Variants in CCDC66 observed in about 807,000 individuals in gnomAD.
CCDC66 encodes the protein coiled-coil domain containing 66.
In CCDC66, 133 loss-of-function variants were observed where a neutral mutation model predicts 128.3. The observed-to-expected ratio is 1.04, with a 90% CI of 0.90 to 1.20. CCDC66 has a LOEUF of 1.20. Among genes scored for constraint, CCDC66 ranks in the 50% most tolerant of loss-of-function variants. The probability of loss-of-function intolerance (pLI) is 0.00; values close to 1 mark genes in which losing one functional copy is unlikely to be tolerated. For missense variants in CCDC66, 1,126 were observed against 1,075.5 expected (o/e 1.05, Z -0.66); for synonymous variants, 387 against 357.0 (o/e 1.08, Z -0.95).
chr3:56,615,634 TA>T (rs2075397343), intron 12 of CCDC66, among the ~76,000 whole-genome samples: 1 of 152,222 alleles, frequency 6.6e-6, no homozygotes, highest in Admixed American at 6.5e-5. Flanking sequence ...TAGGAATGCT[TA>T]ATTTATGTGG....
Position 56,584,255 on chromosome 3 carries a change from C to T in CCDC66, c.937-8715C>T, listed in dbSNP as rs1577530856. Among the ~76,000 whole-genome samples the T allele has an allele frequency of 3.4e-5, 5 of 147,022 alleles. 1 individual carries two copies. The highest frequency in any genetic ancestry group is 2.0e-4 in the Admixed American group (3 of 14,658). ...GCGGAGGGGCTCCTCACTTCTCAGA[C>T]GGGGCGGCTGCCGGGCGGAGGGGCT... On this transcript the variant is annotated intron_variant, in intron 7 of 17. Transcript: ENST00000394672.
Position 56,617,396 on chromosome 3 carries a change from A to G in CCDC66, c.2128A>G (p.Lys710Glu). 1 of 1,614,006 alleles carries G rather than the reference A, an allele frequency of 6.2e-7. No homozygotes were observed. Among genetic ancestry groups the G allele is most frequent in the Non-Finnish European group, 8.5e-7 (1 of 1,179,944 alleles). The change falls in exon 14 of 18, where the codon AAA (lysine) becomes GAA (glutamate). Residue 710 changes from lysine (K) to glutamate (E), a missense_variant. Coordinates refer to ENST00000394672, the MANE Select transcript of CCDC66 (RefSeq NM_001141947.3). ...TGATTGGAATATAAATAAGCCACCT[A>G]AAAGGTATATTCCAGCATCAGAAAA... ...RPDWNINKPP[K>E]RYIPASEKYP...
At chr3:56,578,155 G>A (rs138544542) in intron 7 of CCDC66, among the ~76,000 whole-genome samples, 3,676 of 151,630 alleles carry the variant, frequency 0.024, 86 homozygotes, top group Non-Finnish European at 0.035. Flanking sequence ...TGTATTCCTA[G>A]GTATTTTATT....
chr3:56,574,329 T>C (rs1456613467), intron 7 of CCDC66, among the ~76,000 whole-genome samples: 1 of 142,754 alleles, frequency 7.0e-6, no homozygotes, highest in Admixed American at 7.6e-5. Flanking sequence ...GCCACTGCAC[T>C]CCAGCCTGGG....
chr3:56,562,872 C>T (rs887634943), intron 3 of CCDC66, among the ~76,000 whole-genome samples: 4 of 151,328 alleles, frequency 2.6e-5, no homozygotes, highest in Non-Finnish European at 4.4e-5. Context: ...GCCTTGAACT[C>T]CTGACCTCAG....
At chr3:56,610,832 T>G (rs2074695019) in intron 10 of CCDC66, among the ~76,000 whole-genome samples, 1 of 152,180 alleles carries the variant, frequency 6.6e-6, no homozygotes, top group African/African-American at 2.4e-5. Flanking sequence ...CAGTGATTAT[T>G]GTCTGTCTTC....
intron 3 of CCDC66, among the ~76,000 whole-genome samples, chr3:56,561,829 T>C (rs1322691076): frequency 6.6e-6 from 1 of 152,198 alleles, no homozygotes; most frequent in South Asian, 2.1e-4. Context: ...CATAGTGCTT[T>C]TCTTTATTCC....
intron 3 of CCDC66, among the ~76,000 whole-genome samples, chr3:56,562,277 T>G (rs2065206583): frequency 6.6e-6 from 1 of 152,042 alleles, no homozygotes; most frequent in Non-Finnish European, 1.5e-5. Context: ...CTCAAACTCC[T>G]GGGCTCAAGC....
At chr3:56,568,769 A>T (rs1394074437) in intron 6 of CCDC66, among the ~76,000 whole-genome samples, 1 of 152,262 alleles carries the variant, frequency 6.6e-6, no homozygotes, top group Non-Finnish European at 1.5e-5. Flanking sequence ...TCTAGACAGA[A>T]ATAAGCTTAT....
intron 10 of CCDC66, among the ~76,000 whole-genome samples, chr3:56,602,848 T>G (rs941745885): frequency 6.7e-6 from 1 of 149,748 alleles, no homozygotes; most frequent in Non-Finnish European, 1.5e-5. Flanking sequence ...TTTTTTTTTT[T>G]TTTTGAGACA....
At position 56,617,181 on chromosome 3, in the gene CCDC66, C is replaced by CA. The variant is rs760914519; in HGVS notation, c.1916dup (p.Asn639LysfsTer6). The stretch of plus-strand genomic sequence containing the variant: ...GGATCATTAATGGAGAGGGACATCA[C>CA]AAATTGTTCATCTCCTGAGATTTCG... On this transcript the variant is annotated frameshift_variant, in exon 14 of 18. Coordinates refer to ENST00000394672, the MANE Select transcript of CCDC66 (RefSeq NM_001141947.3). LOFTEE classifies it high-confidence loss of function. The CA allele has an allele frequency of 1.9e-6, 3 of 1,612,354 alleles. No individual in the cohort carries two copies. Among genetic ancestry groups the CA allele is most frequent in the Non-Finnish European group, 2.5e-6 (3 of 1,179,332 alleles).
chr3:56,596,055 C>G (rs983367313), intron 10 of CCDC66, among the ~76,000 whole-genome samples: 2 of 152,170 alleles, frequency 1.3e-5, no homozygotes, highest in Non-Finnish European at 2.9e-5. Context: ...GCTGATATTA[C>G]AAGCATGCGC....
At chr3:56,565,818 C>T (rs1046792270) in intron 4 of CCDC66, among the ~76,000 whole-genome samples, 1 of 150,918 alleles carries the variant, frequency 6.6e-6, no homozygotes, top group Non-Finnish European at 1.5e-5. Context: ...AGGCGCCCGC[C>T]ACCACGCCCG....
chr3:56,612,175 C>T (rs866299466), intron 10 of CCDC66, among the ~76,000 whole-genome samples: 3 of 152,298 alleles, frequency 2.0e-5, no homozygotes, highest in South Asian at 4.1e-4. Context: ...TCACTTCTTC[C>T]GATTTTTTGA....
chr3:56,569,269 C>A, intron 6 of CCDC66: 2 of 265,756 alleles, frequency 7.5e-6, no homozygotes, highest in Non-Finnish European at 1.6e-5. Flanking sequence ...TAAAGGAATA[C>A]CTGAGACTGA....
chr3:56,558,389 T>G (rs2064654551), intron 1 of CCDC66, among the ~76,000 whole-genome samples: 1 of 152,254 alleles, frequency 6.6e-6, no homozygotes, highest in Non-Finnish European at 1.5e-5. Context: ...TGGTACTCTT[T>G]GCTCAAGCAG....
chr3:56,582,357 C>T (rs528029169), intron 7 of CCDC66, among the ~76,000 whole-genome samples: 94 of 151,980 alleles, frequency 6.2e-4, no homozygotes, highest in African/African-American at 2.2e-3. Flanking sequence ...ACCCCTTGCA[C>T]TTCCAGGGTG....
Position 56,563,896 on chromosome 3 carries a change from T to C in CCDC66, c.315T>C (p.Leu105=). ...LCKQCIDKDC[L]HIQKEISPAT... ...AACAATGTATAGATAAAGACTGTCT[T>C]CATATCCAGAAAGAGATTTCACCTG... The change falls in exon 4 of 18, where the codon CTT becomes CTC. Residue 105 remains leucine, a synonymous_variant. Coordinates refer to ENST00000394672, the MANE Select transcript of CCDC66 (RefSeq NM_001141947.3). 6.2e-7 allele frequency: 1 copy of C among 1,612,514 alleles called. No homozygotes were observed. The highest frequency in any genetic ancestry group is 2.2e-5 in the East Asian group (1 of 44,808).
chr3:56,616,962 C>G, intron 13 of CCDC66, 150 bp from the exon 14 acceptor site: 1 of 542,954 alleles, frequency 1.8e-6, no homozygotes, highest in Non-Finnish European at 3.1e-6. Flanking sequence ...TGTGGTTGTT[C>G]TTTAATGAGT....
Sources: allele counts gnomAD v4.1 joint callset (sites outside exome capture counted in the v4.1 genomes callset), GRCh38; gene constraint gnomAD v4.1.1; transcripts MANE v1.5; gene names NCBI Gene and HGNC (gene_info 2026-07-23, HGNC 2026-07-21).